Variants in SNTG1 observed in about 807,000 individuals in gnomAD.
SNTG1 encodes gamma-1-syntrophin.
In SNTG1, 39 loss-of-function variants were observed where a neutral mutation model predicts 74.7. The observed-to-expected ratio is 0.52, with a 90% CI of 0.40 to 0.68. SNTG1 has a LOEUF of 0.68. Ranked by LOEUF, SNTG1 falls within the 30% of genes least tolerant of loss-of-function variation. SNTG1 has a pLI of 0.00. For synonymous variants in SNTG1, 254 were observed against 217.1 expected, an observed-to-expected ratio of 1.17 and a Z score of -1.49; for missense variants, 685 against 609.5, an observed-to-expected ratio of 1.12 and a Z score of -1.30.
chr8:50,295,125 G>A (rs946345775), intron 2 of SNTG1, among the ~76,000 whole-genome samples: 1 of 152,180 alleles, frequency 6.6e-6, no homozygotes, highest in Non-Finnish European at 1.5e-5. Flanking sequence ...AAGACATTTT[G>A]CAAATTTAGG....
At chr8:50,359,140 C>T (rs2131056520) in intron 2 of SNTG1, among the ~76,000 whole-genome samples, 1 of 152,280 alleles carries the variant, frequency 6.6e-6, no homozygotes. Flanking sequence ...CCAGTTCTTT[C>T]CTTAGGTAGA....
chr8:50,066,330 T>G (rs1032238674), intron 1 of SNTG1, among the ~76,000 whole-genome samples: 1 of 152,154 alleles, frequency 6.6e-6, no homozygotes, highest in Non-Finnish European at 1.5e-5. Context: ...ACATTTAAGA[T>G]GTACTGTGTG....
chr8:50,014,080 G>C (rs1332635213), intron 1 of SNTG1, among the ~76,000 whole-genome samples: 1 of 152,116 alleles, frequency 6.6e-6, no homozygotes, highest in Non-Finnish European at 1.5e-5. Context: ...AGCAGGCCCG[G>C]TGATGTTTTA....
intron 2 of SNTG1, among the ~76,000 whole-genome samples, chr8:50,235,904 A>C (rs2085868436): frequency 6.6e-6 from 1 of 152,228 alleles, no homozygotes; most frequent in South Asian, 2.1e-4. Flanking sequence ...AAATGTTTCT[A>C]GCATTATTTA....
intron 2 of SNTG1, among the ~76,000 whole-genome samples, chr8:50,226,105 A>G (rs995495989): frequency 6.6e-6 from 1 of 152,230 alleles, no homozygotes; most frequent in Admixed American, 6.5e-5. Flanking sequence ...TCAAAAAGTT[A>G]AATTCTGGTT....
intron 1 of SNTG1, among the ~76,000 whole-genome samples, chr8:50,063,915 G>C (rs543411155): frequency 6.6e-6 from 1 of 152,152 alleles, no homozygotes; most frequent in Admixed American, 6.5e-5. Flanking sequence ...CCTGCAGAAC[G>C]TGTGTTATAG....
At chr8:49,928,371 C>T (rs1472168127) in intron 1 of SNTG1, among the ~76,000 whole-genome samples, 6 of 151,730 alleles carry the variant, frequency 4.0e-5, no homozygotes, top group Non-Finnish European at 7.4e-5. Flanking sequence ...GCTGGAACTA[C>T]AGGCACTCAC....
intron 13 of SNTG1, among the ~76,000 whole-genome samples, chr8:50,634,110 G>A (rs938439203): frequency 1.3e-5 from 2 of 152,092 alleles, no homozygotes; most frequent in Non-Finnish European, 2.9e-5. Flanking sequence ...CCCACCATGC[G>A]GAGTCAAACA....
At chr8:50,217,303 A>C (rs2131958772) in intron 2 of SNTG1, among the ~76,000 whole-genome samples, 1 of 152,254 alleles carries the variant, frequency 6.6e-6, no homozygotes, top group East Asian at 1.9e-4. Flanking sequence ...GCCTATGATG[A>C]AAGAAGTATT....
chr8:50,749,609 G>A (rs1174632581), intron 17 of SNTG1, among the ~76,000 whole-genome samples: 1 of 151,966 alleles, frequency 6.6e-6, no homozygotes, highest in Non-Finnish European at 1.5e-5. Flanking sequence ...GACCAATGCA[G>A]CTCGTGACTA....
At chr8:50,416,536 A>C (rs2093016071) in intron 4 of SNTG1, among the ~76,000 whole-genome samples, 1 of 152,122 alleles carries the variant, frequency 6.6e-6, no homozygotes, top group Admixed American at 6.6e-5. Context: ...GACTATTATT[A>C]ATATATGAGT....
intron 13 of SNTG1, among the ~76,000 whole-genome samples, chr8:50,593,730 T>C (rs1563623108): frequency 6.6e-6 from 1 of 151,464 alleles, no homozygotes; most frequent in Non-Finnish European, 1.5e-5. Context: ...TTTTTTTTTT[T>C]TTTGAGAGAC....
chr8:50,419,323 G>C (rs2093052594), intron 4 of SNTG1, among the ~76,000 whole-genome samples: 1 of 152,184 alleles, frequency 6.6e-6, no homozygotes, highest in African/African-American at 2.4e-5. Context: ...ATGGCCAAGT[G>C]GAAAACTTAG....
intron 8 of SNTG1, among the ~76,000 whole-genome samples, chr8:50,489,209 T>C (rs1303302885): frequency 6.6e-6 from 1 of 152,212 alleles, no homozygotes; most frequent in African/African-American, 2.4e-5. Flanking sequence ...CTGTCTTTGC[T>C]AGTGTGAACA....
At chr8:50,528,792 C>A (rs1364761312) in intron 9 of SNTG1, among the ~76,000 whole-genome samples, 1 of 151,030 alleles carries the variant, frequency 6.6e-6, no homozygotes, top group East Asian at 1.9e-4. Flanking sequence ...TATTTTCTGT[C>A]TCTTTTTTCT....
At chr8:50,264,060 A>T (rs2087329386) in intron 2 of SNTG1, among the ~76,000 whole-genome samples, 1 of 152,236 alleles carries the variant, frequency 6.6e-6, no homozygotes, top group Admixed American at 6.5e-5. Context: ...ATGAAAATTA[A>T]ACATTAAGCA....
intron 2 of SNTG1, among the ~76,000 whole-genome samples, chr8:50,306,831 G>T (rs1041372396): frequency 6.6e-6 from 1 of 151,682 alleles, no homozygotes; most frequent in Non-Finnish European, 1.5e-5. Flanking sequence ...CCCATTCTGT[G>T]GGTTATCTCT....
chr8:50,618,891 A>ATG (rs34924863), intron 13 of SNTG1, among the ~76,000 whole-genome samples: 100,038 of 148,224 alleles, frequency 0.67, 34,546 homozygotes, highest in East Asian at 0.88. Flanking sequence ...ATATGTGTAT[A>ATG]TGTGTGTGTG....
rs1382095197 is a variant in SNTG1 at position 50,119,351 on chromosome 8, C to G, written c.-102-53210C>G. 1.4e-5 allele frequency among the ~76,000 whole-genome samples: 2 copies of G among 140,028 alleles called. 1 individual carries two copies. Among genetic ancestry groups the G allele is most frequent in the Non-Finnish European group, 3.2e-5 (2 of 63,144 alleles). 91.9% of individuals were successfully genotyped at this position (140,028 alleles called of 152,430 possible). On this transcript the variant is annotated intron_variant, in intron 1 of 18. Transcript: ENST00000642720. ...CGGGAAATGGCCTCCTTGGATTAAT[C>G]AAGTACCTTCAGAGGCAACTTGTGC...
Sources: gnomAD v4.1 joint callset for allele counts (sites outside exome capture counted in the v4.1 genomes callset) on GRCh38, gnomAD v4.1.1 for gene constraint, MANE v1.5 for transcripts, NCBI Gene and HGNC (gene_info 2026-07-23, HGNC 2026-07-21) for gene names.